CNMD: variants seen among roughly 807,000 people sequenced by gnomAD.
CNMD encodes chondromodulin, also known as leukocyte cell-derived chemotaxin 1.
In CNMD, 30 loss-of-function variants were observed where a neutral mutation model predicts 37.5. The observed-to-expected ratio is 0.80, with a 90% CI of 0.60 to 1.09. The LOEUF is 1.09. Ranked by LOEUF, CNMD falls within the 50% of genes least tolerant of loss-of-function variation. The probability of loss-of-function intolerance (pLI) is 0.00; values close to 1 mark genes in which losing one functional copy is unlikely to be tolerated. For synonymous variants in CNMD, 167 were observed against 148.2 expected (o/e 1.13, Z -0.92); for missense variants, 398 against 423.9 (o/e 0.94, Z 0.54).
intron 6 of CNMD, among the ~76,000 whole-genome samples, chr13:52,708,212 C>T (rs1011350766): frequency 2.0e-5 from 3 of 151,666 alleles, no homozygotes; most frequent in South Asian, 4.1e-4. Context: ...GACGGAGTCT[C>T]GCCCTGTCAC....
At chr13:52,735,416 G>T (rs1964740384) in intron 2 of CNMD, among the ~76,000 whole-genome samples, 1 of 152,046 alleles carries the variant, frequency 6.6e-6, no homozygotes, top group Admixed American at 6.6e-5. Context: ...GTAAAGCAAT[G>T]CAACATTTAA....
intron 4 of CNMD, among the ~76,000 whole-genome samples, chr13:52,723,723 AG>A (rs1202925028): frequency 6.6e-6 from 1 of 152,066 alleles, no homozygotes; most frequent in Non-Finnish European, 1.5e-5. Flanking sequence ...TGAGGCCAGG[AG>A]TTCAAGAAGA....
At chr13:52,720,051 G>A (rs544259500) in intron 4 of CNMD, among the ~76,000 whole-genome samples, 26 of 151,938 alleles carry the variant, frequency 1.7e-4, no homozygotes, top group Admixed American at 4.6e-4. Flanking sequence ...CTCTAATCTC[G>A]TCTTCATGCT....
intron 3 of CNMD, among the ~76,000 whole-genome samples, chr13:52,724,417 C>CAAAAATAAA (rs1964536709): frequency 1.2e-5 from 1 of 85,850 alleles, no homozygotes; most frequent in Non-Finnish European, 2.1e-5. Flanking sequence ...ACTAAAAATA[C>CAAAAATAAA]AAAAAAAAAA....
chr13:52,711,247 C>T (rs1964285345), intron 5 of CNMD, among the ~76,000 whole-genome samples: 1 of 152,142 alleles, frequency 6.6e-6, no homozygotes, highest in African/African-American at 2.4e-5. Context: ...ACTGGTAGCA[C>T]ACTGCAGACT....
intron 2 of CNMD, among the ~76,000 whole-genome samples, chr13:52,734,884 C>T (rs1477089144): frequency 1.3e-5 from 2 of 152,208 alleles, no homozygotes; most frequent in Non-Finnish European, 2.9e-5. Context: ...ACAAGACCCA[C>T]AGTGCACTAT....
At chr13:52,738,852 T>C (rs1163236255) in intron 2 of CNMD, among the ~76,000 whole-genome samples, 179 bp downstream of exon 2, 1 of 152,200 alleles carries the variant, frequency 6.6e-6, no homozygotes, top group African/African-American at 2.4e-5. Context: ...CACTTGCTTT[T>C]CTACAACGTT....
intron 3 of CNMD, among the ~76,000 whole-genome samples, chr13:52,724,522 C>T (rs1031097462): frequency 9.4e-5 from 14 of 149,600 alleles, no homozygotes; most frequent in African/African-American, 2.5e-4. Context: ...ACCGGGGAGG[C>T]GGAGCTTGCA....
At chr13:52,713,150 G>C (rs956563103) in intron 4 of CNMD, among the ~76,000 whole-genome samples, 5 of 152,140 alleles carry the variant, frequency 3.3e-5, no homozygotes, top group African/African-American at 9.7e-5. Flanking sequence ...CCAACTTTGA[G>C]ATTTAGGTTA....
At chr13:52,720,051 G>T (rs544259500) in intron 4 of CNMD, among the ~76,000 whole-genome samples, 2 of 151,820 alleles carry the variant, frequency 1.3e-5, no homozygotes, top group African/African-American at 4.8e-5. Flanking sequence ...CTCTAATCTC[G>T]TCTTCATGCT....
intron 3 of CNMD, among the ~76,000 whole-genome samples, chr13:52,729,608 C>T (rs1964629803): frequency 6.6e-6 from 1 of 152,178 alleles, no homozygotes; most frequent in African/African-American, 2.4e-5. Flanking sequence ...TCTTCTAGTG[C>T]ATCTGGCTGA....
intron 2 of CNMD, among the ~76,000 whole-genome samples, chr13:52,737,864 C>T (rs1964798009): frequency 6.6e-6 from 1 of 152,180 alleles, no homozygotes; most frequent in Admixed American, 6.5e-5. Flanking sequence ...TTTTCAAATA[C>T]CCACAAAATA....
chr13:52,710,798 A>T (rs1964279227), intron 5 of CNMD, among the ~76,000 whole-genome samples: 1 of 151,894 alleles, frequency 6.6e-6, no homozygotes, highest in East Asian at 1.9e-4. Context: ...TCTTGTATGG[A>T]TGTTGTGGTG....
At chr13:52,705,957 G>A (rs1332418134) in intron 6 of CNMD, among the ~76,000 whole-genome samples, 3 of 152,102 alleles carry the variant, frequency 2.0e-5, no homozygotes, top group Admixed American at 2.0e-4. Flanking sequence ...AAGTATTGTG[G>A]CATCCTGAAT....
intron 3 of CNMD, among the ~76,000 whole-genome samples, chr13:52,728,771 A>G (rs1421445102): frequency 1.3e-5 from 2 of 152,194 alleles, no homozygotes; most frequent in East Asian, 1.9e-4. Context: ...GATTCGCAGC[A>G]CTGAATGGGA....
rs962342944 is a variant in CNMD, at chr13:52,712,248, G to A, written c.622+468C>T. 3.3e-5 allele frequency among the ~76,000 whole-genome samples: 5 copies of A among 152,200 alleles called. No homozygotes were observed. The South Asian group carries it at 1.0e-3, about 32-fold the overall frequency. The stretch of plus-strand genomic sequence containing the variant: ...ACTGGACTTGGAAGCTAATATTCAA[G>A]CTCTGAACTTGAGAGGAATCTCAGC... On this transcript the variant is annotated intron_variant, in intron 5 of 6. Transcript: ENST00000377962.
intron 6 of CNMD, among the ~76,000 whole-genome samples, chr13:52,704,176 A>T (rs1286390605): frequency 6.6e-6 from 1 of 152,244 alleles, no homozygotes; most frequent in Non-Finnish European, 1.5e-5. Context: ...CATTTCTGCC[A>T]CTGCTAATTC....
In CNMD at chr13:52,733,104, G is replaced by T. The variant is rs575982688; in HGVS notation, c.354+115C>A. 7 of 1,003,906 alleles carry T rather than the reference G, an allele frequency of 7.0e-6. No individual in the cohort carries two copies. The African/African-American group carries it at 1.1e-4, about 16-fold the overall frequency. 62.2% of individuals were successfully genotyped at this position (1,003,906 alleles called of 1,614,324 possible). ...GTAGTGGATTAGTGGCACTACAACT[G>T]CTATAAAGAACAGTTACCATTTGGA... On this transcript the variant is annotated intron_variant, in intron 3 of 6. Transcript: ENST00000377962.
intron 4 of CNMD, among the ~76,000 whole-genome samples, chr13:52,715,511 C>G (rs1964361091): frequency 6.6e-6 from 1 of 152,210 alleles, no homozygotes; most frequent in Admixed American, 6.5e-5. Context: ...AGCACTCCCA[C>G]TCCCTGACAG....
Sources: allele counts gnomAD v4.1 joint callset (sites outside exome capture counted in the v4.1 genomes callset), GRCh38; gene constraint gnomAD v4.1.1; transcripts MANE v1.5; gene names NCBI Gene and HGNC (gene_info 2026-07-23, HGNC 2026-07-21).